The following FAT3 variants were observed in gnomAD, a reference collection of about 807,000 sequenced individuals.
FAT3 encodes FAT atypical cadherin 3, also known as protocadherin Fat 3.
FAT3 carries 95 observed loss-of-function variants against 310.2 expected under a neutral mutation model. The observed-to-expected ratio is 0.31, with a 90% CI of 0.26 to 0.36. FAT3 has a LOEUF of 0.36. Among genes scored for constraint, FAT3 ranks in the 10% least tolerant of loss-of-function variants. The pLI is 1.00. For missense variants in FAT3, 5,408 were observed against 5,715.6 expected (o/e 0.95, Z 1.74); for synonymous variants, 2,314 against 2,192.9 (o/e 1.06, Z -1.54).
intron 19 of FAT3, among the ~76,000 whole-genome samples, chr11:92,855,043 G>T (rs1217367813): frequency 6.6e-6 from 1 of 152,202 alleles, no homozygotes; most frequent in Non-Finnish European, 1.5e-5. Context: ...TGATTCATAT[G>T]TGTACATTGC....
At chr11:92,809,184 C>T (rs562273625) in intron 12 of FAT3, among the ~76,000 whole-genome samples, 16 of 152,234 alleles carry the variant, frequency 1.1e-4, no homozygotes, top group Admixed American at 7.2e-4. Flanking sequence ...TTACTCCACG[C>T]GGGATGCTAA....
intron 13 of FAT3, among the ~76,000 whole-genome samples, chr11:92,811,441 G>A (rs1025459330): frequency 1.3e-5 from 2 of 152,172 alleles, no homozygotes; most frequent in Non-Finnish European, 2.9e-5. Context: ...GGACATGGAC[G>A]TCTGATTAGT....
At chr11:92,343,573 T>C (rs1345846712) in intron 1 of FAT3, among the ~76,000 whole-genome samples, 5 of 152,236 alleles carry the variant, frequency 3.3e-5, no homozygotes, top group Non-Finnish European at 7.3e-5. Context: ...GGATGATTAT[T>C]CAACCTTGAG....
At chr11:92,375,782 G>A (rs1354238321) in intron 2 of FAT3, among the ~76,000 whole-genome samples, 2 of 152,142 alleles carry the variant, frequency 1.3e-5, no homozygotes, top group Admixed American at 1.3e-4. Context: ...ATTGTGAGAT[G>A]TTTGGTGACC....
chr11:92,592,290 A>G (rs957158416), intron 3 of FAT3, among the ~76,000 whole-genome samples: 2 of 151,504 alleles, frequency 1.3e-5, no homozygotes, highest in African/African-American at 2.4e-5. Context: ...GATGTTGCCC[A>G]ACAATGTATA....
At chr11:92,341,871 A>T (rs1948272589) in intron 1 of FAT3, among the ~76,000 whole-genome samples, 1 of 152,028 alleles carries the variant, frequency 6.6e-6, no homozygotes, top group African/African-American at 2.4e-5. Flanking sequence ...CTCTCCTGAT[A>T]CTCATCTGCT....
intron 2 of FAT3, among the ~76,000 whole-genome samples, chr11:92,374,916 G>A (rs1179645038): frequency 6.6e-6 from 1 of 151,884 alleles, no homozygotes; most frequent in Non-Finnish European, 1.5e-5. Context: ...TGCTGTGTCA[G>A]GCATGTTGTC....
Position 92,880,896 on chromosome 11 carries a change from T to C in FAT3, c.12281+12T>C. The C allele has an allele frequency of 1.2e-6, 2 of 1,612,028 alleles. No homozygotes were observed. Among genetic ancestry groups the C allele is most frequent in the South Asian group, 2.2e-5 (2 of 90,734 alleles). Reference sequence around the variant, plus strand: ...CTCACTGGAGTCACGTAAGTGAGATTACATAAGTGTCTTTCTCTACACTGT... The same window carrying C: ...CTCACTGGAGTCACGTAAGTGAGATCACATAAGTGTCTTTCTCTACACTGT... On this transcript the variant is annotated intron_variant, in intron 23 of 27. Coordinates refer to ENST00000525166, the MANE Select transcript of FAT3 (RefSeq NM_001367949.2).
chr11:92,355,862 T>C (rs2134650407), intron 2 of FAT3, among the ~76,000 whole-genome samples: 1 of 152,330 alleles, frequency 6.6e-6, no homozygotes, highest in African/African-American at 2.4e-5. Flanking sequence ...ATTGCATTAG[T>C]TGCTTGGTCT....
At chr11:92,601,465 G>A (rs1173965604) in intron 3 of FAT3, among the ~76,000 whole-genome samples, 1 of 152,106 alleles carries the variant, frequency 6.6e-6, no homozygotes, top group Admixed American at 6.5e-5. Context: ...TGTGGTGGCA[G>A]GTGCCTGTAA....
At position 92,393,247 on chromosome 11, in the gene FAT3, A is replaced by AGTGTGTGTATGCACACACACTCAT. The variant is rs541627328; in HGVS notation, c.3292+37850_3292+37873dup. ...ATGTGTACCTGTGTGTGTGTGCCTGAGTGTGTGTATGCACACACACTCATG... is the reference window on the plus strand; with the variant it reads ...ATGTGTACCTGTGTGTGTGTGCCTGAGTGTGTGTATGCACACACACTCATGTGTGTGTATGCACACACACTCATG... On this transcript the variant is annotated intron_variant, in intron 2 of 27. Transcript: ENST00000525166. 2.4e-4 allele frequency among the ~76,000 whole-genome samples: 37 copies of AGTGTGTGTATGCACACACACTCAT among 151,142 alleles called. 2 individuals are homozygous for AGTGTGTGTATGCACACACACTCAT. In the South Asian group the frequency reaches 6.9e-3, roughly 28 times the overall value.
At chr11:92,688,493 A>C (rs1231705555) in intron 3 of FAT3, among the ~76,000 whole-genome samples, 1 of 152,200 alleles carries the variant, frequency 6.6e-6, no homozygotes, top group Non-Finnish European at 1.5e-5. Flanking sequence ...CCCCTAGCTG[A>C]ACATTAGAAT....
At chr11:92,336,446 C>T in intron 1 of FAT3, 1 of 314,636 alleles carries the variant, frequency 3.2e-6, no homozygotes. Context: ...TTTGCATCAC[C>T]ACTGCCGCCA....
chr11:92,666,010 A>C (rs1156685577), intron 3 of FAT3, among the ~76,000 whole-genome samples: 1 of 152,166 alleles, frequency 6.6e-6, no homozygotes, highest in Non-Finnish European at 1.5e-5. Flanking sequence ...ATCTCTAAAA[A>C]ATTTTTTTAA....
chr11:92,776,050 T>G (rs887730121), intron 7 of FAT3, among the ~76,000 whole-genome samples: 18 of 152,308 alleles, frequency 1.2e-4, no homozygotes, highest in African/African-American at 2.4e-4. Flanking sequence ...ATTTAAGTTT[T>G]AAAAATTAGC....
intron 7 of FAT3, among the ~76,000 whole-genome samples, chr11:92,783,836 A>G (rs945557263): frequency 1.3e-5 from 2 of 152,198 alleles, no homozygotes; most frequent in African/African-American, 4.8e-5. Flanking sequence ...GGGCTTAACA[A>G]CTTATGAGGA....
chr11:92,315,483 A>G (rs71458696), intron 1 of FAT3, among the ~76,000 whole-genome samples: 2,453 of 56,386 alleles, frequency 0.044, 35 homozygotes, highest in African/African-American at 0.12. Context: ...GTGTGTGTAT[A>G]TATATATATA....
chr11:92,760,982 A>G (rs1265508926), intron 4 of FAT3, among the ~76,000 whole-genome samples: 1 of 152,218 alleles, frequency 6.6e-6, no homozygotes, highest in Non-Finnish European at 1.5e-5. Context: ...TGCAATTGTT[A>G]AAGACATTGT....
chr11:92,436,227 C>T (rs1477736926), intron 2 of FAT3, among the ~76,000 whole-genome samples: 1 of 152,060 alleles, frequency 6.6e-6, no homozygotes, highest in East Asian at 1.9e-4. Context: ...GCAGCCTTGA[C>T]CTCATGGGCT....
Sources: gnomAD v4.1 joint callset for allele counts (sites outside exome capture counted in the v4.1 genomes callset) on GRCh38, gnomAD v4.1.1 for gene constraint, MANE v1.5 for transcripts, NCBI Gene and HGNC (gene_info 2026-07-23, HGNC 2026-07-21) for gene names.